The following RGS6 variants were observed in gnomAD, a reference collection of about 807,000 sequenced individuals.
RGS6 encodes the protein regulator of G-protein signaling 6.
In RGS6, 30 loss-of-function variants were observed where a neutral mutation model predicts 78.5. The ratio of observed to expected loss-of-function variants is 0.38; its 90% confidence interval spans 0.29 to 0.52. The LOEUF (loss-of-function observed/expected upper bound fraction) is 0.52, where lower values mean the gene tolerates loss of function less well. Among genes scored for constraint, RGS6 ranks in the 20% least tolerant of loss-of-function variants. The pLI is 0.85. For missense variants in RGS6, 495 were observed against 609.7 expected, an observed-to-expected ratio of 0.81 and a Z score of 1.98; for synonymous variants, 206 against 206.0, an observed-to-expected ratio of 1.00 and a Z score of 0.00.
chr14:72,500,989 C>T (rs765073873), intron 13 of RGS6, among the ~76,000 whole-genome samples: 5 of 152,068 alleles, frequency 3.3e-5, no homozygotes, highest in Non-Finnish European at 7.4e-5. Flanking sequence ...AGGCCCCCAC[C>T]CTCCCAAACG....
intron 2 of RGS6, among the ~76,000 whole-genome samples, chr14:72,305,030 G>A (rs2066930643): frequency 1.3e-5 from 2 of 152,176 alleles, no homozygotes; most frequent in South Asian, 4.1e-4. Flanking sequence ...TGGCCAAGGG[G>A]AGAGGTGAAA....
Position 72,540,446 on chromosome 14 carries a change from C to T in RGS6, c.1422+352C>T, listed in dbSNP as rs1323973331. 1.2e-5 allele frequency: 18 copies of T among 1,485,738 alleles called. No homozygotes were observed. In the East Asian group the frequency reaches 1.2e-4, roughly 10 times the overall value. The allele number at this position is 1,485,738 out of a possible 1,614,324, so 92.0% of individuals were successfully genotyped here. ...CTGCAGCAGCTCAGGGAGAAGCCAT[C>T]GAACTATACCGTGAAATAAATTGGC... On this transcript the variant is annotated intron_variant, in intron 17 of 17. Coordinates refer to ENST00000553525, the MANE Select transcript of RGS6 (RefSeq NM_001204424.2).
intron 17 of RGS6, among the ~76,000 whole-genome samples, chr14:72,559,831 AAGCCC>A (rs947281938): frequency 3.0e-4 from 46 of 152,248 alleles, no homozygotes; most frequent in African/African-American, 1.0e-3. Flanking sequence ...TAGCACCTTC[AAGCCC>A]AGCCCAGCCC....
chr14:72,081,514 CTT>C (rs1236998736), intron 2 of RGS6, among the ~76,000 whole-genome samples: 1 of 152,050 alleles, frequency 6.6e-6, no homozygotes, highest in East Asian at 1.9e-4. Context: ...TTGCAGTTCT[CTT>C]TATTCAGATG....
chr14:72,248,120 T>C (rs1260741342), intron 2 of RGS6, among the ~76,000 whole-genome samples: 1 of 152,118 alleles, frequency 6.6e-6, no homozygotes, highest in Admixed American at 6.5e-5. Context: ...CTCCCAGGAG[T>C]CCTAGAGACC....
intron 2 of RGS6, among the ~76,000 whole-genome samples, chr14:72,336,566 AAGAG>A (rs1413104463): frequency 6.6e-6 from 1 of 151,898 alleles, no homozygotes; most frequent in African/African-American, 2.4e-5. Flanking sequence ...GGGGAAGAGG[AAGAG>A]AGAGAGGACA....
chr14:72,534,980 G>T (rs74478316), intron 15 of RGS6, among the ~76,000 whole-genome samples: 2 of 152,284 alleles, frequency 1.3e-5, no homozygotes, highest in African/African-American at 4.8e-5. Context: ...GCCCTCCCCA[G>T]TGAAGGCCAA....
At chr14:72,033,545 T>C (rs1413024379) in intron 2 of RGS6, among the ~76,000 whole-genome samples, 2 of 152,140 alleles carry the variant, frequency 1.3e-5, no homozygotes, top group Non-Finnish European at 2.9e-5. Context: ...GATGCTTTGG[T>C]TATTTACCCT....
intron 13 of RGS6, among the ~76,000 whole-genome samples, chr14:72,497,973 C>G (rs2096667414): frequency 2.0e-5 from 3 of 151,976 alleles, no homozygotes; most frequent in Admixed American, 6.5e-5. Context: ...ATCTTTTAGT[C>G]TTTTTATTCT....
At chr14:72,318,756 AT>A (rs1306892412) in intron 2 of RGS6, among the ~76,000 whole-genome samples, 1 of 152,126 alleles carries the variant, frequency 6.6e-6, no homozygotes, top group African/African-American at 2.4e-5. Flanking sequence ...TGGCAAGGGT[AT>A]TGCAAGACTG....
intron 2 of RGS6, among the ~76,000 whole-genome samples, chr14:72,302,811 G>T (rs184832723): frequency 1.3e-5 from 2 of 152,118 alleles, no homozygotes; most frequent in African/African-American, 4.8e-5. Flanking sequence ...ATCTTGAATT[G>T]TAGCTCCCAT....
intron 2 of RGS6, among the ~76,000 whole-genome samples, chr14:72,272,148 C>A (rs1485487204): frequency 1.3e-5 from 2 of 152,086 alleles, no homozygotes; most frequent in African/African-American, 4.8e-5. Context: ...TACCACCAAC[C>A]CTCATCCATC....
rs1039733939 is a variant in RGS6, at chr14:72,211,440, A to G, written c.85-140655A>G. Reference sequence around the variant, plus strand: ...GAAGGAGTGGAAGCTAAGGCAGTTGAGCTGTGGGTACGGACACTTCCTTCA... The same window carrying G: ...GAAGGAGTGGAAGCTAAGGCAGTTGGGCTGTGGGTACGGACACTTCCTTCA... On this transcript the variant is annotated intron_variant, in intron 2 of 17. Transcript: ENST00000553525. 3.3e-5 allele frequency among the ~76,000 whole-genome samples: 5 copies of G among 152,204 alleles called. 1 individual carries two copies. Among genetic ancestry groups the G allele is most frequent in the African/African-American group, 1.2e-4 (5 of 41,456 alleles).
At chr14:71,905,151 T>C in the RGS6 span, among the ~76,000 whole-genome samples, 4 of 152,344 alleles carry the variant, frequency 2.6e-5, no homozygotes, top group East Asian at 7.7e-4. Context: ...TCTCTGCCCT[T>C]GATCAGTTTC....
chr14:72,451,332 A>AT (rs2095488116), intron 3 of RGS6, among the ~76,000 whole-genome samples: 1 of 152,086 alleles, frequency 6.6e-6, no homozygotes, highest in African/African-American at 2.4e-5. Flanking sequence ...GGTTTTTGTG[A>AT]TTTTCCCTTC....
In RGS6 at chr14:72,223,919, C is replaced by T. The variant is rs182243622; in HGVS notation, c.85-128176C>T. 1.3e-4 allele frequency among the ~76,000 whole-genome samples: 20 copies of T among 152,348 alleles called. No homozygotes were observed. In the East Asian group the frequency reaches 2.7e-3, roughly 21 times the overall value. On this transcript the variant is annotated intron_variant, in intron 2 of 17. Transcript: ENST00000553525. ...TGTGGTTAGTAAGCACCCCAGATTA[C>T]GCCTAGGCGTGCTGAAATTGAGAAC...
At chr14:72,252,915 C>T in intron 2 of RGS6, among the ~76,000 whole-genome samples, 1 of 152,280 alleles carries the variant, frequency 6.6e-6, no homozygotes, top group Non-Finnish European at 1.5e-5. Context: ...ATACTGGGGA[C>T]TCCCTCTGCT....
chr14:71,908,074 G>A, the RGS6 span: 1 of 152,186 alleles, frequency 6.6e-6, no homozygotes, highest in African/African-American at 2.4e-5. Context: ...GGAAATAGCC[G>A]ACATTCTAAT....
At chr14:72,536,738 C>A (rs1453177466) in intron 16 of RGS6, among the ~76,000 whole-genome samples, 1 of 152,140 alleles carries the variant, frequency 6.6e-6, no homozygotes, top group Non-Finnish European at 1.5e-5. Flanking sequence ...GGTCAGAAAG[C>A]CTTGTCAGTT....
Sources: gnomAD v4.1 joint callset for allele counts (sites outside exome capture counted in the v4.1 genomes callset) on GRCh38, gnomAD v4.1.1 for gene constraint, MANE v1.5 for transcripts, NCBI Gene and HGNC (gene_info 2026-07-23, HGNC 2026-07-21) for gene names.